CYSTM1: variants seen among roughly 807,000 people sequenced by gnomAD.
CYSTM1 encodes the protein cysteine rich transmembrane module containing 1, also known as cysteine-rich transmembrane module-containing protein 1.
CYSTM1 carries 4 observed loss-of-function variants against 13.1 expected under a neutral mutation model. The observed-to-expected ratio is 0.31, with a 90% CI of 0.15 to 0.70. CYSTM1 has a LOEUF of 0.70. Among genes scored for constraint, CYSTM1 ranks in the 30% least tolerant of loss-of-function variants. CYSTM1 has a pLI of 0.72. For synonymous variants in CYSTM1, 36 were observed against 42.7 expected, an observed-to-expected ratio of 0.84 and a Z score of 0.62; for missense variants, 96 against 121.6, an observed-to-expected ratio of 0.79 and a Z score of 0.99.
chr5:140,236,209 T>A (rs933834892), intron 2 of CYSTM1, among the ~76,000 whole-genome samples: 2 of 152,270 alleles, frequency 1.3e-5, no homozygotes, highest in Non-Finnish European at 2.9e-5. Flanking sequence ...AATTATTATC[T>A]GTACGTCTTT....
At chr5:140,213,976 A>G (rs1344685051) in intron 2 of CYSTM1, among the ~76,000 whole-genome samples, 2 of 152,244 alleles carry the variant, frequency 1.3e-5, no homozygotes. Flanking sequence ...CTATAGCACA[A>G]TGTGTTAGCA....
chr5:140,234,651 A>C lies in CYSTM1; in HGVS notation c.188-8654A>C, dbSNP rs578009196. ...TTGGTGTCTTTGGAAGTTGGCAGTAAATGAGGTATACTATTCATTAAATTG... is the reference window on the plus strand; with the variant it reads ...TTGGTGTCTTTGGAAGTTGGCAGTACATGAGGTATACTATTCATTAAATTG... On this transcript the variant is annotated intron_variant, in intron 2 of 2. Transcript: ENST00000261811. 2.6e-5 allele frequency among the ~76,000 whole-genome samples: 4 copies of C among 152,292 alleles called. No homozygotes were observed. In the East Asian group the frequency reaches 7.7e-4, roughly 29 times the overall value.
chr5:140,182,407 A>G (rs899475757), intron 1 of CYSTM1, among the ~76,000 whole-genome samples: 7 of 152,206 alleles, frequency 4.6e-5, no homozygotes, highest in Admixed American at 1.3e-4. Flanking sequence ...GGAGGTAACA[A>G]GAGGTAAATG....
At chr5:140,226,800 G>C (rs896716619) in intron 2 of CYSTM1, among the ~76,000 whole-genome samples, 3 of 150,154 alleles carry the variant, frequency 2.0e-5, no homozygotes, top group African/African-American at 7.4e-5. Flanking sequence ...GATATTTCCA[G>C]GACACAGGAA....
At chr5:140,203,531 A>G (rs1430774611) in intron 2 of CYSTM1, among the ~76,000 whole-genome samples, 1 of 152,250 alleles carries the variant, frequency 6.6e-6, no homozygotes, top group Non-Finnish European at 1.5e-5. Flanking sequence ...ACATTACCAC[A>G]AGTTTCAGTG....
At chr5:140,238,133 C>T (rs1349109120) in intron 2 of CYSTM1, among the ~76,000 whole-genome samples, 6 of 152,096 alleles carry the variant, frequency 3.9e-5, no homozygotes. Flanking sequence ...CTAAGCTTCA[C>T]AGAAAAGCCA....
rs190238900 is a variant in CYSTM1 at position 140,237,130 on chromosome 5, G to A, written c.188-6175G>A. On this transcript the variant is annotated intron_variant, in intron 2 of 2. Coordinates refer to ENST00000261811, the MANE Select transcript of CYSTM1 (RefSeq NM_032412.4). ...GGTGGTGGCTGAGGGGCATTCACTC[G>A]GATGTTGTGACTGTGGACAGAGTTC... Among the ~76,000 whole-genome samples, 144 of 152,234 alleles carry A rather than the reference G, an allele frequency of 9.5e-4. 1 individual carries two copies. The highest frequency in any genetic ancestry group is 8.3e-4 in the South Asian group (4 of 4,816).
intron 2 of CYSTM1, chr5:140,203,098 A>T (rs1764251830): frequency 6.6e-6 from 1 of 152,178 alleles, no homozygotes; most frequent in Non-Finnish European, 1.5e-5. Flanking sequence ...AGAGTTTCAG[A>T]GTAGGTGGGT....
chr5:140,177,161 T>C (rs1412690134), intron 1 of CYSTM1, among the ~76,000 whole-genome samples: 1 of 152,230 alleles, frequency 6.6e-6, no homozygotes, highest in African/African-American at 2.4e-5. Context: ...TATTTTGTCT[T>C]AATTTCCTGA....
At chr5:140,188,603 C>A (rs1189779046) in intron 1 of CYSTM1, among the ~76,000 whole-genome samples, 2 of 151,712 alleles carry the variant, frequency 1.3e-5, no homozygotes, top group Non-Finnish European at 2.9e-5. Flanking sequence ...CACGGTGAAA[C>A]CCCGTCTCTA....
At chr5:140,200,402 G>T (rs577212785) in intron 2 of CYSTM1, 2 of 151,970 alleles carry the variant, frequency 1.3e-5, no homozygotes, top group Admixed American at 6.5e-5. Context: ...GCTTGTTTTC[G>T]TCAGGTTTGT....
chr5:140,243,150 T>C (rs1015133183), intron 2 of CYSTM1, among the ~76,000 whole-genome samples, 155 bp from the exon 3 acceptor site: 1 of 152,198 alleles, frequency 6.6e-6, no homozygotes, highest in Non-Finnish European at 1.5e-5. Context: ...CCACCCTCCT[T>C]CCATTCAGCA....
chr5:140,183,657 A>G (rs1318562762), intron 1 of CYSTM1, among the ~76,000 whole-genome samples: 1 of 152,236 alleles, frequency 6.6e-6, no homozygotes, highest in Non-Finnish European at 1.5e-5. Context: ...GGAAGGTATT[A>G]TAATCAGGGT....
intron 2 of CYSTM1, among the ~76,000 whole-genome samples, chr5:140,227,350 G>C (rs560907006): frequency 6.6e-6 from 1 of 152,180 alleles, no homozygotes; most frequent in Non-Finnish European, 1.5e-5. Context: ...CTCAGCCCTA[G>C]GAATTGCAGC....
rs752255672 is a variant in CYSTM1, at chr5:140,239,618, C to T, written c.188-3687C>T. 7.2e-5 allele frequency among the ~76,000 whole-genome samples: 11 copies of T among 152,350 alleles called. No individual in the cohort carries two copies. Among genetic ancestry groups the T allele is most frequent in the Non-Finnish European group, 1.6e-4 (11 of 68,040 alleles). ...GCTGCTGCGCACCTGAGACCCAGGG[C>T]TTCCTGGGCCTTTCTGACCTAGCCT... On this transcript the variant is annotated intron_variant, in intron 2 of 2. Coordinates refer to ENST00000261811, the MANE Select transcript of CYSTM1 (RefSeq NM_032412.4). This position sits in a 1 kb window ranked among gnomAD's most constrained non-coding sequence, Gnocchi z 5.4.
chr5:140,235,688 A>G (rs1764673268), intron 2 of CYSTM1, among the ~76,000 whole-genome samples: 1 of 152,180 alleles, frequency 6.6e-6, no homozygotes. Context: ...TACAGGCGTG[A>G]GCCACCGCAC....
At chr5:140,240,045 G>T (rs1040033150) in intron 2 of CYSTM1, among the ~76,000 whole-genome samples, 2 of 151,964 alleles carry the variant, frequency 1.3e-5, no homozygotes, top group Non-Finnish European at 2.9e-5. Flanking sequence ...CTGGCCACAG[G>T]GGGGCACTTG....
intron 2 of CYSTM1, among the ~76,000 whole-genome samples, chr5:140,210,122 A>G (rs2126663374): frequency 1.3e-5 from 2 of 152,248 alleles, no homozygotes; most frequent in Middle Eastern, 6.8e-3. Flanking sequence ...ACTTTCTCAA[A>G]TCATTTTCAT....
intron 2 of CYSTM1, among the ~76,000 whole-genome samples, chr5:140,224,165 G>A (rs1764521954): frequency 6.6e-6 from 1 of 152,144 alleles, no homozygotes; most frequent in South Asian, 2.1e-4. Context: ...TTGAGACGGA[G>A]TTTCGTTCTT....
Sources: allele counts gnomAD v4.1 joint callset (sites outside exome capture counted in the v4.1 genomes callset), GRCh38; gene constraint gnomAD v4.1.1; non-coding constraint Gnocchi (gnomAD v3.1); transcripts MANE v1.5; gene names NCBI Gene and HGNC (gene_info 2026-07-23, HGNC 2026-07-21).